Variants in KIF26A observed in about 807,000 individuals in gnomAD.
KIF26A encodes kinesin family member 26A.
Under a neutral mutation model 126.0 loss-of-function variants are expected in KIF26A, and 74 were observed. The observed-to-expected ratio is 0.59, with a 90% confidence interval of 0.49 to 0.71. The LOEUF (loss-of-function observed/expected upper bound fraction) is 0.71. KIF26A is among the 30% of genes least tolerant of loss of function. The probability of loss-of-function intolerance (pLI) is 0.00; values close to 1 mark genes in which losing one functional copy is unlikely to be tolerated. For synonymous variants in KIF26A, 1,445 were observed against 1,232.7 expected (o/e 1.17, Z -3.61); for missense variants, 2,984 against 2,763.3 (o/e 1.08, Z -1.79).
chr14:104,173,203 A>G lies in KIF26A; in HGVS notation c.1647A>G (p.Gly549=). The change falls in exon 8 of 15, where the codon GGA becomes GGG. Residue 549 remains glycine, a synonymous_variant. Transcript: ENST00000423312. The part of the protein sequence containing the change: ...PGSLQDTQSP[G]VYLREDPVCG... ...GCCTCCAGGACACCCAGTCTCCGGG[A>G]GTGTACCTGCGGGAGGACCCCGTGT... 1 of 1,611,218 alleles carries G rather than the reference A, an allele frequency of 6.2e-7. No homozygotes were observed. Among genetic ancestry groups the G allele is most frequent in the South Asian group, 1.1e-5 (1 of 90,988 alleles).
Position 104,151,988 on chromosome 14 carries a change from C to T in KIF26A, c.289-27C>T. ...CGGCCCTCCCTCCCCAGGCACTGAC[C>T]CTGCCTTTGTCCCTTGCTGTCCTCA... On this transcript the variant is annotated intron_variant, in intron 2 of 14. Transcript: ENST00000423312. This position sits in a 1 kb window ranked among gnomAD's most constrained non-coding sequence, Gnocchi z 4.9. The T allele has an allele frequency of 1.2e-6, 2 of 1,606,210 alleles. No individual in the cohort carries two copies. Among genetic ancestry groups the T allele is most frequent in the Non-Finnish European group, 8.5e-7 (1 of 1,173,976 alleles).
intron 2 of KIF26A, among the ~76,000 whole-genome samples, chr14:104,142,463 T>C (rs1185581155): frequency 6.6e-6 from 1 of 152,124 alleles, no homozygotes; most frequent in Non-Finnish European, 1.5e-5. Flanking sequence ...TCCAGGGACC[T>C]TTCTCTAATG....
intron 4 of KIF26A, among the ~76,000 whole-genome samples, chr14:104,158,751 G>A (rs1411300504): frequency 6.6e-6 from 1 of 152,204 alleles, no homozygotes. Flanking sequence ...TGGGGAGGGG[G>A]AGTTGGCATG....
In KIF26A at chr14:104,157,604, C is replaced by T. The variant is rs73358288; in HGVS notation, c.736-151C>T. 2.7e-3 allele frequency: 2,367 copies of T among 881,250 alleles called. 47 individuals are homozygous for T. In the African/African-American group the frequency reaches 0.037, roughly 14 times the overall value. The allele number at this position is 881,250 out of a possible 1,614,324, so 54.6% of individuals were successfully genotyped here. On this transcript the variant is annotated intron_variant, in intron 3 of 14. Coordinates refer to ENST00000423312, the MANE Select transcript of KIF26A (RefSeq NM_015656.2). ...CCAGCCCTGATTTCTGGGGCCTTCC[C>T]GGCTTCACAGGCTGGGCCCTGGGGG...
chr14:104,139,727 G>A (rs2037619044), intron 2 of KIF26A, among the ~76,000 whole-genome samples: 1 of 152,218 alleles, frequency 6.6e-6, no homozygotes, highest in South Asian at 2.1e-4. Context: ...CCTGGGGCCG[G>A]GGGGCCTGGC....
Position 104,167,037 on chromosome 14 carries a change from A to G in KIF26A, c.1102A>G (p.Ser368Gly). The G allele has an allele frequency of 6.4e-7, 1 of 1,560,250 alleles. No homozygotes were observed. Among genetic ancestry groups the G allele is most frequent in the Non-Finnish European group, 8.7e-7 (1 of 1,152,900 alleles). ...AASKTKDNPGSIGKVKVMLRI... is the reference protein window; with the variant it reads ...AASKTKDNPGGIGKVKVMLRI... Reference sequence around the variant, plus strand: ...CTCCAAGACCAAGGACAACCCTGGCAGCATCGGGAAGGTAGACGCAGCCCC... The same window carrying G: ...CTCCAAGACCAAGGACAACCCTGGCGGCATCGGGAAGGTAGACGCAGCCCC... Residue 368 changes from serine to glycine, a missense_variant, in exon 5 of 15, where the codon AGC (serine) becomes GGC (glycine). Ser to Gly is a moderately conservative substitution (Grantham distance 56). Transcript: ENST00000423312.
rs575412933 is a variant in KIF26A, at chr14:104,176,064, G to C, written c.3276G>C (p.Glu1092Asp). The C allele has an allele frequency of 1.9e-5, 30 of 1,589,562 alleles. No individual in the cohort carries two copies. The highest frequency in any genetic ancestry group is 2.1e-5 in the Non-Finnish European group (25 of 1,168,894). Residue 1092 changes from glutamate (E) to aspartate (D), a missense_variant, in exon 12 of 15, where the codon GAG becomes GAC. By Grantham distance (45) the Glu-to-Asp change is conservative. Coordinates refer to ENST00000423312, the MANE Select transcript of KIF26A (RefSeq NM_015656.2). ...ACGCCTACACCTCTCAGGCCCCTGA[G>C]GGGGGGCCCCTGGAGGGGGCAGCCT... ...EFDAYTSQAPEGGPLEGAAWA... is the reference protein window; with the variant it reads ...EFDAYTSQAPDGGPLEGAAWA...
Position 104,176,104 on chromosome 14 carries a change from C to T in KIF26A, c.3316C>T (p.His1106Tyr), listed in dbSNP as rs564993118. The stretch of plus-strand genomic sequence containing the variant: ...GGGGGCAGCCTGGGCCGGCAGCAGT[C>T]ACGGCTCCTCCATCAGCTCCTGGCT... ...LEGAAWAGSS[H>Y]GSSISSWLSE... The change falls in exon 12 of 15, where the codon CAC becomes TAC. Residue 1106 changes from histidine (H) to tyrosine (Y), a missense_variant. Transcript: ENST00000423312. 3 of 1,584,960 alleles carry T rather than the reference C, an allele frequency of 1.9e-6. No homozygotes were observed. Among genetic ancestry groups the T allele is most frequent in the South Asian group, 1.1e-5 (1 of 87,302 alleles).
chr14:104,153,358 G>A (rs1039430739), intron 3 of KIF26A, among the ~76,000 whole-genome samples: 1 of 151,954 alleles, frequency 6.6e-6, no homozygotes, highest in Non-Finnish European at 1.5e-5. Flanking sequence ...GTCCCAGCTG[G>A]TGTGATGGTT....
chr14:104,140,282 G>T lies in KIF26A; in HGVS notation c.288+994G>T, dbSNP rs2037625673. On this transcript the variant is annotated intron_variant, in intron 2 of 14. Transcript: ENST00000423312. ...GATAGGATTGCTGTAGCCTCTCTCT[G>T]GCTCAGGCCAGGCGCCTGTGGGCCT... 3.3e-5 allele frequency among the ~76,000 whole-genome samples: 5 copies of T among 152,078 alleles called. No individual in the cohort carries two copies. The South Asian group carries it at 1.0e-3, about 32-fold the overall frequency.
chr14:104,173,190 C>A lies in KIF26A; in HGVS notation c.1634C>A (p.Thr545Asn). The change falls in exon 8 of 15, where the codon ACC (threonine) becomes AAC (asparagine). Residue 545 changes from threonine to asparagine, a missense_variant. Physicochemically the swap from Thr to Asn is moderately conservative, Grantham distance 65 (BLOSUM62 0). Transcript: ENST00000423312. ...AEVAPGSLQDTQSPGVYLRED... is the reference protein window; with the variant it reads ...AEVAPGSLQDNQSPGVYLRED... Reference sequence around the variant, plus strand: ...GTGGCCCCTGGCAGCCTCCAGGACACCCAGTCTCCGGGAGTGTACCTGCGG... The same window carrying A: ...GTGGCCCCTGGCAGCCTCCAGGACAACCAGTCTCCGGGAGTGTACCTGCGG... 6.2e-7 allele frequency: 1 copy of A among 1,611,738 alleles called. No homozygotes were observed. The highest frequency in any genetic ancestry group is 8.5e-7 in the Non-Finnish European group (1 of 1,179,442).
intron 4 of KIF26A, among the ~76,000 whole-genome samples, chr14:104,164,105 C>G (rs2037858269): frequency 6.6e-6 from 1 of 152,160 alleles, no homozygotes; most frequent in Non-Finnish European, 1.5e-5. Flanking sequence ...AGCTCCTATT[C>G]AAAATGAAAG....
rs751129821 is a variant in KIF26A at position 104,173,030 on chromosome 14, G to A, written c.1474G>A (p.Val492Met). 6 of 1,605,966 alleles carry A rather than the reference G, an allele frequency of 3.7e-6. No homozygotes were observed. Among genetic ancestry groups the A allele is most frequent in the East Asian group, 2.2e-5 (1 of 44,638 alleles). ...KDSSPQSLGI[V>M]PCAISWLFRL... is the part of the protein sequence containing the mutation. ...CAGCTCACCCCAGAGCCTGGGCATC[G>A]TGCCCTGCGCCATCTCCTGGCTCTT... Residue 492 changes from valine (V) to methionine (M), a missense_variant, in exon 8 of 15, where the codon GTG becomes ATG. Val to Met is a conservative substitution (Grantham distance 21). Transcript: ENST00000423312.
chr14:104,154,803 G>A (rs754503290), intron 3 of KIF26A, among the ~76,000 whole-genome samples: 19 of 152,226 alleles, frequency 1.2e-4, no homozygotes, highest in Non-Finnish European at 2.2e-4. Flanking sequence ...ACAGAGGGGC[G>A]GCCCGGTGGG....
chr14:104,175,709 A>T lies in KIF26A; in HGVS notation c.2921A>T (p.Asp974Val), dbSNP rs549075563. 42 of 1,593,278 alleles carry T rather than the reference A, an allele frequency of 2.6e-5. 1 individual carries two copies. The South Asian group carries it at 4.6e-4, about 18-fold the overall frequency. The change falls in exon 12 of 15, where the codon GAT becomes GTT. Residue 974 changes from aspartate (D) to valine (V), a missense_variant. Asp to Val is a radical substitution (Grantham distance 152, BLOSUM62 -3). Transcript: ENST00000423312. ...GAAGAGCCTGGGGGAGGGGGCACTG[A>T]TGGAGTGGCACGGACCCCTCCCGTG... ...APEEPGGGGT[D>V]GVARTPPVGM...
Position 104,175,050 on chromosome 14 carries a change from GC to G in KIF26A, c.2263del (p.Arg755GlyfsTer67). The G allele has an allele frequency of 6.3e-7, 1 of 1,577,622 alleles. No homozygotes were observed. The highest frequency in any genetic ancestry group is 8.6e-7 in the Non-Finnish European group (1 of 1,164,502). ...GCCGGGCCCGTCGGCCCCCGCACCT[GC>G]GGCCCTTCCACCCACGCACTGTGGC... is the stretch of plus-strand genomic sequence containing the variant. ...EGRARRPPHLRPFHPRTVALD... is the reference protein window; with the variant it reads ...EGRARRPPHLXPFHPRTVALD... On this transcript the variant is annotated frameshift_variant, in exon 12 of 15. Transcript: ENST00000423312. LOFTEE classifies it high-confidence loss of function.
intron 2 of KIF26A, among the ~76,000 whole-genome samples, chr14:104,141,462 G>A (rs74087176): frequency 0.017 from 2,642 of 152,334 alleles, 69 homozygotes; most frequent in African/African-American, 0.061. Flanking sequence ...GCTGGGACCC[G>A]GCCTGGCTAT....
Position 104,139,297 on chromosome 14 carries a change from C to T in KIF26A, c.288+9C>T, listed in dbSNP as rs1434709857. Reference sequence around the variant, plus strand: ...CCGGGACCACCCTCCGGGTAAGTGACACTTCCTTAGGCCGACCCCTCCGAG... The same window carrying T: ...CCGGGACCACCCTCCGGGTAAGTGATACTTCCTTAGGCCGACCCCTCCGAG... On this transcript the variant is annotated intron_variant, in intron 2 of 14. Transcript: ENST00000423312. 6.7e-7 allele frequency: 1 copy of T among 1,493,038 alleles called. No homozygotes were observed. The highest frequency in any genetic ancestry group is 1.3e-5 in the South Asian group (1 of 75,434). 92.5% of individuals were successfully genotyped at this position (1,493,038 alleles called of 1,614,324 possible).
chr14:104,179,576 G>A (rs748479497), intron 14 of KIF26A, 33 bp from the exon 15 acceptor site: 52 of 1,479,450 alleles, frequency 3.5e-5, no homozygotes, highest in Middle Eastern at 2.4e-4. Context: ...CGGGCCTGAC[G>A]CAGGTGCCCC....
Sources: gnomAD v4.1 joint callset for allele counts (sites outside exome capture counted in the v4.1 genomes callset) on GRCh38, gnomAD v4.1.1 for gene constraint, Gnocchi (gnomAD v3.1) non-coding constraint, MANE v1.5 for transcripts, NCBI Gene and HGNC (gene_info 2026-07-23, HGNC 2026-07-21) for gene names.